Variants in ROBO2 observed in about 807,000 individuals in gnomAD.
The protein encoded by ROBO2 is roundabout homolog 2.
A neutral mutation model predicts 160.8 loss-of-function variants in ROBO2; 53 were observed. That is an observed-to-expected ratio of 0.33 (90% CI 0.26 to 0.41). The LOEUF (loss-of-function observed/expected upper bound fraction) is 0.41. Among genes scored for constraint, ROBO2 ranks in the 10% least tolerant of loss-of-function variants. ROBO2 has a pLI of 1.00. For missense variants in ROBO2, 1,577 were observed against 1,722.4 expected (o/e 0.92, Z 1.49); for synonymous variants, 664 against 611.7 (o/e 1.09, Z -1.26).
intron 5 of ROBO2, among the ~76,000 whole-genome samples, chr3:77,515,963 A>AT (rs1363553620): frequency 6.6e-6 from 1 of 151,500 alleles, no homozygotes; most frequent in African/African-American, 2.4e-5. Context: ...ATTTTCATGT[A>AT]TTTTCTTATT....
chr3:76,037,740 A>T, intron 2 of ROBO2, among the ~76,000 whole-genome samples: 1 of 152,194 alleles, frequency 6.6e-6, no homozygotes, highest in South Asian at 2.1e-4. Context: ...AGAAAAGAAT[A>T]AAGTAAATAA....
chr3:75,966,528 G>A (rs1033857303), intron 2 of ROBO2, among the ~76,000 whole-genome samples: 4 of 151,766 alleles, frequency 2.6e-5, no homozygotes, highest in East Asian at 3.9e-4. Context: ...ACAGACTGTG[G>A]TGCTGCCATG....
At chr3:75,915,673 C>CTCA (rs1414930333) in intron 1 of ROBO2, among the ~76,000 whole-genome samples, 1 of 152,044 alleles carries the variant, frequency 6.6e-6, no homozygotes, top group African/African-American at 2.4e-5. Context: ...GGCTAGAGGA[C>CTCA]TCATGTTGAG....
chr3:76,720,088 G>C (rs2093441878), intron 2 of ROBO2, among the ~76,000 whole-genome samples: 1 of 152,124 alleles, frequency 6.6e-6, no homozygotes, highest in Non-Finnish European at 1.5e-5. Flanking sequence ...TCTGACAGGA[G>C]ATTCAGTAAT....
chr3:75,991,450 C>A (rs572471968), intron 2 of ROBO2, among the ~76,000 whole-genome samples: 32 of 152,270 alleles, frequency 2.1e-4, no homozygotes, highest in African/African-American at 7.2e-4. Context: ...GTTCCCCACA[C>A]AAGCTCTCTC....
In ROBO2 at chr3:76,215,258, C is replaced by T. The variant is rs929011648; in HGVS notation, c.109+277656C>T. On this transcript the variant is annotated intron_variant, in intron 2 of 26. Coordinates refer to the ROBO2 transcript ENST00000487694. ...GAAACTCTAAAAATCGAGCACCTCTCCTCCTCCAAAGGAATGCAGCTCATC... is the reference window on the plus strand; with the variant it reads ...GAAACTCTAAAAATCGAGCACCTCTTCTCCTCCAAAGGAATGCAGCTCATC... 2.0e-5 allele frequency among the ~76,000 whole-genome samples: 3 copies of T among 152,286 alleles called. No homozygotes were observed. In the Middle Eastern group the frequency reaches 0.01, roughly 518 times the overall value.
intron 2 of ROBO2, among the ~76,000 whole-genome samples, chr3:76,022,287 C>T (rs924692603): frequency 1.3e-5 from 2 of 151,724 alleles, no homozygotes; most frequent in African/African-American, 4.8e-5. Flanking sequence ...TTGGACTCAA[C>T]TTCTTCTAAA....
chr3:76,302,446 T>A (rs1709408454), intron 2 of ROBO2, among the ~76,000 whole-genome samples: 1 of 152,042 alleles, frequency 6.6e-6, no homozygotes, highest in South Asian at 2.1e-4. Flanking sequence ...ACAGAACCAA[T>A]ATTATAGTAC....
chr3:77,457,333 T>A (rs767939679), intron 2 of ROBO2, among the ~76,000 whole-genome samples: 17 of 152,188 alleles, frequency 1.1e-4, no homozygotes, highest in Non-Finnish European at 2.5e-4. Flanking sequence ...TCTTTTAGTT[T>A]TTAACCAGCA....
chr3:76,262,566 C>A (rs1706836661), intron 2 of ROBO2, among the ~76,000 whole-genome samples: 1 of 152,068 alleles, frequency 6.6e-6, no homozygotes, highest in African/African-American at 2.4e-5. Flanking sequence ...ATTTTGTTAC[C>A]TTTGGTCCCC....
At position 76,659,745 on chromosome 3, in the gene ROBO2, A is replaced by G. The variant is rs540186521; in HGVS notation, c.110-438269A>G. Among the ~76,000 whole-genome samples, 26 of 152,348 alleles carry G rather than the reference A, an allele frequency of 1.7e-4. No individual in the cohort carries two copies. The South Asian group carries it at 5.0e-3, about 29-fold the overall frequency. On this transcript the variant is annotated intron_variant, in intron 2 of 26. Transcript: ENST00000487694. The stretch of plus-strand genomic sequence containing the variant: ...TTGGGATTAACAGAAATAATCTGCC[A>G]TTAGGGAGGCAAAGTAAATACATAA...
intron 2 of ROBO2, among the ~76,000 whole-genome samples, chr3:76,867,416 C>A (rs1054033588): frequency 2.0e-5 from 3 of 152,100 alleles, no homozygotes; most frequent in Non-Finnish European, 4.4e-5. Flanking sequence ...GGATGTGGTG[C>A]TTTAATTTTA....
chr3:76,705,746 A>C (rs1241236251), intron 2 of ROBO2, among the ~76,000 whole-genome samples: 2 of 152,150 alleles, frequency 1.3e-5, no homozygotes, highest in African/African-American at 4.8e-5. Context: ...TACTTTAAAT[A>C]AATGTATCAC....
At chr3:75,927,580 G>A (rs1187455074) in intron 1 of ROBO2, among the ~76,000 whole-genome samples, 4 of 152,130 alleles carry the variant, frequency 2.6e-5, no homozygotes, top group Non-Finnish European at 5.9e-5. Context: ...GCAATCACAA[G>A]CTAACACGAG....
At chr3:76,049,399 A>ATTTTTT (rs1204742605) in intron 2 of ROBO2, among the ~76,000 whole-genome samples, 26 of 50,354 alleles carry the variant, frequency 5.2e-4, no homozygotes, top group African/African-American at 3.0e-3. Flanking sequence ...ATATATATAT[A>ATTTTTT]TATATTTTTT....
At chr3:77,446,415 C>T (rs1309696429) in intron 2 of ROBO2, among the ~76,000 whole-genome samples, 1 of 152,072 alleles carries the variant, frequency 6.6e-6, no homozygotes, top group East Asian at 1.9e-4. Flanking sequence ...CACTCAGCTC[C>T]ATGCTTGATT....
chr3:76,044,505 A>G (rs62267245), intron 2 of ROBO2, among the ~76,000 whole-genome samples: 11,343 of 151,884 alleles, frequency 0.075, 1,225 homozygotes, highest in African/African-American at 0.22. Flanking sequence ...ACTCAGTCAA[A>G]CTTTGTAGGG....
chr3:76,491,948 CA>C (rs921697013), intron 2 of ROBO2, among the ~76,000 whole-genome samples: 1 of 151,898 alleles, frequency 6.6e-6, no homozygotes, highest in Non-Finnish European at 1.5e-5. Flanking sequence ...TACAAACAAA[CA>C]AACAAAAAAA....
intron 2 of ROBO2, among the ~76,000 whole-genome samples, chr3:76,438,830 T>C (rs2076798225): frequency 6.6e-6 from 1 of 151,918 alleles, no homozygotes; most frequent in Non-Finnish European, 1.5e-5. Flanking sequence ...ATAAAGAAAA[T>C]TTAGAATCTA....
Sources: allele counts gnomAD v4.1 joint callset (sites outside exome capture counted in the v4.1 genomes callset), GRCh38; gene constraint gnomAD v4.1.1; transcripts MANE v1.5; gene names NCBI Gene and HGNC (gene_info 2026-07-23, HGNC 2026-07-21).